LSAMP: variants seen among roughly 807,000 people sequenced by gnomAD.
LSAMP encodes limbic system-associated membrane protein.
A neutral mutation model predicts 38.6 loss-of-function variants in LSAMP; 7 were observed. That is an observed-to-expected ratio of 0.18 (90% CI 0.10 to 0.34). The LOEUF (loss-of-function observed/expected upper bound fraction) is 0.34. Ranked by LOEUF, LSAMP falls within the 10% of genes least tolerant of loss-of-function variation. LSAMP has a pLI of 1.00. For synonymous variants in LSAMP, 154 were observed against 166.8 expected (o/e 0.92, Z 0.59); for missense variants, 313 against 420.0 (o/e 0.75, Z 2.23).
intron 1 of LSAMP, among the ~76,000 whole-genome samples, chr3:116,382,293 G>A (rs2048569745): frequency 6.6e-6 from 1 of 151,988 alleles, no homozygotes; most frequent in African/African-American, 2.4e-5. Context: ...AGAAAATGTG[G>A]CACATATACA....
intron 3 of LSAMP, among the ~76,000 whole-genome samples, chr3:115,882,775 C>A (rs577816211): frequency 1.3e-5 from 2 of 151,980 alleles, no homozygotes; most frequent in Admixed American, 1.3e-4. Context: ...TCATCTCTCA[C>A]CCTCACCCCA....
chr3:116,384,746 C>G (rs1468006882), intron 1 of LSAMP, among the ~76,000 whole-genome samples: 1 of 152,008 alleles, frequency 6.6e-6, no homozygotes, highest in Non-Finnish European at 1.5e-5. Flanking sequence ...TGCATATCAC[C>G]ACCTGTCCAC....
chr3:115,839,924 T>C (rs1934942023), intron 6 of LSAMP, among the ~76,000 whole-genome samples: 1 of 152,242 alleles, frequency 6.6e-6, no homozygotes, highest in Non-Finnish European at 1.5e-5. Context: ...TTTTCTGGGT[T>C]AAGTCCTTTA....
At chr3:116,294,523 A>G (rs1007539716) in intron 1 of LSAMP, among the ~76,000 whole-genome samples, 2 of 152,178 alleles carry the variant, frequency 1.3e-5, no homozygotes, top group African/African-American at 4.8e-5. Context: ...TATAATAAAG[A>G]ACAAAGATTT....
intron 1 of LSAMP, among the ~76,000 whole-genome samples, chr3:116,304,423 A>G (rs577530532): frequency 1.3e-5 from 2 of 152,294 alleles, no homozygotes; most frequent in East Asian, 3.9e-4. Flanking sequence ...AAAGGAAACT[A>G]CAGGGAAAAC....
intron 1 of LSAMP, among the ~76,000 whole-genome samples, chr3:116,109,827 G>A (rs867315495): frequency 6.6e-6 from 1 of 151,926 alleles, no homozygotes; most frequent in Admixed American, 6.6e-5. Context: ...GAGACACGGA[G>A]GGAAGGGGTT....
At chr3:116,336,574 C>T (rs749850936) in intron 1 of LSAMP, among the ~76,000 whole-genome samples, 4 of 151,746 alleles carry the variant, frequency 2.6e-5, no homozygotes, top group Admixed American at 6.6e-5. Context: ...CCATTGTTGA[C>T]AAAGTACTCA....
chr3:115,804,580 G>A lies in LSAMP; in HGVS notation c.*5737C>T, dbSNP rs1933588150. 6.6e-6 allele frequency: 1 copy of A among 151,614 alleles called. No individual in the cohort carries two copies. The highest frequency in any genetic ancestry group is 2.4e-5 in the African/African-American group (1 of 41,256). 9.4% of individuals were successfully genotyped at this position (151,614 alleles called of 1,614,324 possible). A position where few individuals can be genotyped will look rare whatever the true frequency, so the allele number is the denominator to read the frequency against. On this transcript the variant is annotated 3_prime_UTR_variant, in exon 7 of 7. Transcript: ENST00000490035. ...ACATGAGCCCTTAAAACTCCTTCCTGTTTTTTTTCTTTTTTTTTCTCTTAG... is the reference window on the plus strand; with the variant it reads ...ACATGAGCCCTTAAAACTCCTTCCTATTTTTTTTCTTTTTTTTTCTCTTAG...
chr3:116,355,158 G>A (rs190540904), intron 1 of LSAMP, among the ~76,000 whole-genome samples: 282 of 151,860 alleles, frequency 1.9e-3, no homozygotes, highest in Non-Finnish European at 3.2e-3. Context: ...AATATTCTGA[G>A]TTTTAAGATT....
rs535046041 is a variant in LSAMP at position 116,021,069 on chromosome 3, G to A, written c.389-1429C>T. ...GAGTGTCACAAGGAGGAAGCAGGAT[G>A]AGGACCCTCTCCACCTCAGCATTCC... On this transcript the variant is annotated intron_variant, in intron 2 of 6. Transcript: ENST00000490035. Among the ~76,000 whole-genome samples, 11 of 152,256 alleles carry A rather than the reference G, an allele frequency of 7.2e-5. No individual in the cohort carries two copies. The East Asian group carries it at 2.1e-3, about 30-fold the overall frequency.
At position 116,020,562 on chromosome 3, in the gene LSAMP, A is replaced by C. The variant is rs116364143; in HGVS notation, c.389-922T>G. 4.4e-3 allele frequency among the ~76,000 whole-genome samples: 672 copies of C among 152,290 alleles called. 2 individuals are homozygous for C. The highest frequency in any genetic ancestry group is 0.015 in the African/African-American group (642 of 41,568). Reference sequence around the variant, plus strand: ...GAATGAAACTTCCTCTTCACAACCCAGGCTACCAGATGGCTGAAAACAACA... The same window carrying C: ...GAATGAAACTTCCTCTTCACAACCCCGGCTACCAGATGGCTGAAAACAACA... On this transcript the variant is annotated intron_variant, in intron 2 of 6. Coordinates refer to ENST00000490035, the MANE Select transcript of LSAMP (RefSeq NM_002338.5).
intron 1 of LSAMP, among the ~76,000 whole-genome samples, chr3:116,442,248 C>T (rs991363617): frequency 6.6e-6 from 1 of 152,080 alleles, no homozygotes; most frequent in Non-Finnish European, 1.5e-5. Flanking sequence ...AAACTCCTGT[C>T]ACTGGATTAC....
At chr3:116,171,610 T>A (rs1461661681) in intron 1 of LSAMP, among the ~76,000 whole-genome samples, 1 of 152,094 alleles carries the variant, frequency 6.6e-6, no homozygotes, top group African/African-American at 2.4e-5. Flanking sequence ...CACAACTTCT[T>A]ATCACCCATA....
intron 2 of LSAMP, among the ~76,000 whole-genome samples, chr3:116,085,687 CT>C (rs995180352): frequency 1.3e-5 from 2 of 152,096 alleles, no homozygotes; most frequent in Non-Finnish European, 2.9e-5. Flanking sequence ...GGTTTTTATC[CT>C]GTAAAACGAT....
intron 6 of LSAMP, among the ~76,000 whole-genome samples, chr3:115,829,591 C>A (rs1220946042): frequency 6.6e-6 from 1 of 152,166 alleles, no homozygotes; most frequent in Non-Finnish European, 1.5e-5. Context: ...GCAAAAAGGG[C>A]AGGTCCTTTA....
intron 1 of LSAMP, among the ~76,000 whole-genome samples, chr3:116,118,969 A>T (rs1413697916): frequency 1.3e-5 from 2 of 152,216 alleles, no homozygotes; most frequent in African/African-American, 4.8e-5. Context: ...TGCAGATTCC[A>T]ATTCAGTAAG....
chr3:116,296,323 A>C (rs2047332256), intron 1 of LSAMP, among the ~76,000 whole-genome samples: 2 of 152,100 alleles, frequency 1.3e-5, no homozygotes, highest in Non-Finnish European at 2.9e-5. Flanking sequence ...AGCAGCCCAG[A>C]ACTATACTGT....
intron 6 of LSAMP, chr3:115,841,445 A>G (rs1934992532): frequency 6.4e-6 from 1 of 155,578 alleles, no homozygotes; most frequent in South Asian, 2.0e-4. Flanking sequence ...TTTCTTCCTC[A>G]ATCACTCTTA....
intron 3 of LSAMP, among the ~76,000 whole-genome samples, chr3:115,893,045 G>T (rs1238585279): frequency 1.3e-5 from 2 of 151,710 alleles, no homozygotes; most frequent in Non-Finnish European, 2.9e-5. Flanking sequence ...ACTAACACAG[G>T]AACAGAAAAC....
Sources: gnomAD v4.1 joint callset for allele counts (sites outside exome capture counted in the v4.1 genomes callset) on GRCh38, gnomAD v4.1.1 for gene constraint, MANE v1.5 for transcripts, NCBI Gene and HGNC (gene_info 2026-07-23, HGNC 2026-07-21) for gene names.